The following PGM5 variants were observed in gnomAD, a reference collection of about 807,000 sequenced individuals.
The protein encoded by PGM5 is phosphoglucomutase-like protein 5.
In PGM5, 23 loss-of-function variants were observed where a neutral mutation model predicts 59.2. The observed-to-expected ratio is 0.39, with a 90% CI of 0.28 to 0.55. The LOEUF (loss-of-function observed/expected upper bound fraction) is 0.55, where lower values mean the gene tolerates loss of function less well. Ranked by LOEUF, PGM5 falls within the 20% of genes least tolerant of loss-of-function variation. The probability of loss-of-function intolerance (pLI) is 0.66; values close to 1 mark genes in which losing one functional copy is unlikely to be tolerated. For synonymous variants in PGM5, 214 were observed against 286.0 expected (o/e 0.75, Z 2.54); for missense variants, 574 against 748.3 (o/e 0.77, Z 2.72).
Position 68,480,921 on chromosome 9 carries a change from A to C in PGM5, c.1295+1368A>C, listed in dbSNP as rs528130246. 2.8e-4 allele frequency among the ~76,000 whole-genome samples: 42 copies of C among 152,302 alleles called. No individual in the cohort carries two copies. The East Asian group carries it at 3.9e-3, about 14-fold the overall frequency. On this transcript the variant is annotated intron_variant, in intron 8 of 10. Coordinates refer to ENST00000396396, the MANE Select transcript of PGM5 (RefSeq NM_021965.4). ...ACCTAGGTATGCTAGATATGTGTAC[A>C]TAACAAGAACGAAGCCATGGGTTAG... is the stretch of plus-strand genomic sequence containing the variant.
chr9:68,487,682 A>T (rs1245993767), intron 9 of PGM5, among the ~76,000 whole-genome samples: 1 of 150,950 alleles, frequency 6.6e-6, no homozygotes, highest in Non-Finnish European at 1.5e-5. Flanking sequence ...CTACTTACTT[A>T]AAAAAAAAGT....
At chr9:68,467,793 T>G (rs1473158731) in intron 7 of PGM5, among the ~76,000 whole-genome samples, 1 of 152,188 alleles carries the variant, frequency 6.6e-6, no homozygotes, top group East Asian at 1.9e-4. Flanking sequence ...CTTTCTAATT[T>G]GCTTAATGTT....
At chr9:68,372,979 G>A (rs1386587277) in intron 1 of PGM5, among the ~76,000 whole-genome samples, 28 of 151,940 alleles carry the variant, frequency 1.8e-4, no homozygotes, top group African/African-American at 5.8e-4. Flanking sequence ...GGGCCCCACC[G>A]CTAACACTGA....
chr9:68,429,491 C>G (rs1554682887), intron 6 of PGM5: 2 of 152,200 alleles, frequency 1.3e-5, no homozygotes, highest in African/African-American at 4.8e-5. Context: ...AGAGTCAATT[C>G]AAACTTCCAA....
chr9:68,386,060 GT>G lies in PGM5; in HGVS notation c.572-1398del, dbSNP rs565453174. On this transcript the variant is annotated intron_variant, in intron 3 of 10. Transcript: ENST00000396396. ...ATTTTTACTGACTTCTTGTTCCCTC[GT>G]TTTTCACATTTGTTTGGTACTGTGT... is the stretch of plus-strand genomic sequence containing the variant. Among the ~76,000 whole-genome samples, 18 of 147,270 alleles carry G rather than the reference GT, an allele frequency of 1.2e-4. No individual in the cohort carries two copies. The South Asian group carries it at 3.7e-3, about 31-fold the overall frequency.
At chr9:68,407,837 G>T (rs576302080) in intron 6 of PGM5, among the ~76,000 whole-genome samples, 8 of 152,342 alleles carry the variant, frequency 5.3e-5, no homozygotes, top group Non-Finnish European at 7.3e-5. Flanking sequence ...CAAAAGAATT[G>T]CTCTTTGATA....
chr9:68,502,243 A>C (rs1824586073), intron 10 of PGM5, among the ~76,000 whole-genome samples: 1 of 152,160 alleles, frequency 6.6e-6, no homozygotes, highest in South Asian at 2.1e-4. Context: ...TTTAAAATAC[A>C]AGTTTATTTT....
intron 6 of PGM5, among the ~76,000 whole-genome samples, chr9:68,434,316 C>CAAAAAAAAAAAAAAAAAAAAAAA (rs71353054): frequency 4.5e-4 from 41 of 90,816 alleles, no homozygotes; most frequent in Non-Finnish European, 5.1e-4. Flanking sequence ...GACTCCGTCT[C>CAAAAAAAAAAAAAAAAAAAAAAA]AAAAAAAAAA....
At chr9:68,484,138 A>G (rs1490158094) in intron 9 of PGM5, 90 bp downstream of exon 9, 34 of 1,096,730 alleles carry the variant, frequency 3.1e-5, no homozygotes, top group Non-Finnish European at 4.2e-5. Context: ...GGGATGATCT[A>G]AGGTGACCTC....
chr9:68,380,639 TATAA>T (rs1822044466), intron 2 of PGM5, among the ~76,000 whole-genome samples: 1 of 151,224 alleles, frequency 6.6e-6, no homozygotes, highest in African/African-American at 2.4e-5. Context: ...CTATAGAAAA[TATAA>T]ATAAAATCAA....
intron 7 of PGM5, among the ~76,000 whole-genome samples, chr9:68,468,050 C>T (rs1183763063): frequency 1.1e-4 from 16 of 144,650 alleles, no homozygotes; most frequent in Non-Finnish European, 3.0e-5. Context: ...TCTTTCTTGG[C>T]TCAGGTGCAC....
intron 10 of PGM5, among the ~76,000 whole-genome samples, chr9:68,520,049 C>T (rs1471730694): frequency 2.0e-5 from 3 of 147,110 alleles, no homozygotes; most frequent in Non-Finnish European, 4.5e-5. Context: ...ATGATCATAC[C>T]ACTGCGCTCC....
At chr9:68,405,340 C>T (rs1822776722) in intron 6 of PGM5, 1 of 152,236 alleles carries the variant, frequency 6.6e-6, no homozygotes, top group Non-Finnish European at 1.5e-5. Flanking sequence ...TTCTTTTTTC[C>T]TTCCAGAAAG....
intron 2 of PGM5, 130 bp from the exon 3 acceptor site, chr9:68,384,268 T>G (rs1270305505): frequency 7.6e-6 from 5 of 660,142 alleles, no homozygotes; most frequent in Admixed American, 2.5e-5. Context: ...CTAATTGAAC[T>G]GTGAACCATT....
chr9:68,430,451 A>T (rs1345866437), intron 6 of PGM5, among the ~76,000 whole-genome samples: 1 of 152,262 alleles, frequency 6.6e-6, no homozygotes, highest in Non-Finnish European at 1.5e-5. Context: ...TAATTATACC[A>T]TTCACATAAA....
intron 6 of PGM5, among the ~76,000 whole-genome samples, chr9:68,411,675 T>A (rs1183716579): frequency 6.6e-6 from 1 of 152,094 alleles, no homozygotes; most frequent in Non-Finnish European, 1.5e-5. Context: ...ATGAAATTCA[T>A]GCTTACTGTC....
intron 8 of PGM5, among the ~76,000 whole-genome samples, chr9:68,481,545 C>T (rs975539860): frequency 9.2e-5 from 14 of 152,144 alleles, no homozygotes; most frequent in Admixed American, 4.6e-4. Flanking sequence ...TGATTGACAA[C>T]CTCTGGCCTA....
chr9:68,459,890 GT>G (rs1322629336), intron 6 of PGM5, among the ~76,000 whole-genome samples: 1 of 152,044 alleles, frequency 6.6e-6, no homozygotes, highest in East Asian at 1.9e-4. Flanking sequence ...ATTTATAAGA[GT>G]TTTTAAAATA....
chr9:68,376,134 G>A (rs1554677616), intron 1 of PGM5, among the ~76,000 whole-genome samples: 2 of 152,186 alleles, frequency 1.3e-5, no homozygotes. Flanking sequence ...TTAGTGACTT[G>A]ATGTGACTTA....
Sources: gnomAD v4.1 joint callset for allele counts (sites outside exome capture counted in the v4.1 genomes callset) on GRCh38, gnomAD v4.1.1 for gene constraint, MANE v1.5 for transcripts, NCBI Gene and HGNC (gene_info 2026-07-23, HGNC 2026-07-21) for gene names.